Variants in ATP9B observed in about 807,000 individuals in gnomAD.
ATP9B encodes probable phospholipid-transporting ATPase IIB.
ATP9B carries 110 observed loss-of-function variants against 146.1 expected under a neutral mutation model. The ratio of observed to expected loss-of-function variants is 0.75; its 90% CI spans 0.65 to 0.88. ATP9B has a LOEUF of 0.88. ATP9B is among the 40% of genes least tolerant of loss of function. ATP9B has a pLI of 0.00. For synonymous variants in ATP9B, 604 were observed against 569.7 expected (o/e 1.06, Z -0.86); for missense variants, 1,499 against 1,496.4 (o/e 1.00, Z -0.03).
chr18:79,313,135 ATC>A (rs2096662034), intron 15 of ATP9B, among the ~76,000 whole-genome samples: 2 of 152,264 alleles, frequency 1.3e-5, no homozygotes, highest in African/African-American at 4.8e-5. Flanking sequence ...ATACGTAAAA[ATC>A]TCTGTAGCTA....
At chr18:79,073,643 G>C (rs2072248905) in intron 1 of ATP9B, among the ~76,000 whole-genome samples, 2 of 152,124 alleles carry the variant, frequency 1.3e-5, no homozygotes, top group Non-Finnish European at 2.9e-5. Flanking sequence ...AGGGAGGGGG[G>C]AGACCGTGGA....
At chr18:79,285,251 T>C (rs1026065329) in intron 13 of ATP9B, among the ~76,000 whole-genome samples, 10 of 151,864 alleles carry the variant, frequency 6.6e-5, no homozygotes, top group South Asian at 4.2e-4. Flanking sequence ...TGTAAAAGTG[T>C]TCCTATTTCT....
chr18:79,167,602 A>G (rs574477552), intron 7 of ATP9B, among the ~76,000 whole-genome samples: 3 of 152,058 alleles, frequency 2.0e-5, no homozygotes, highest in African/African-American at 4.8e-5. Flanking sequence ...GGTAGTCCCA[A>G]TTTCTGTGTG....
At chr18:79,334,248 TG>T (rs2096807809) in intron 17 of ATP9B, among the ~76,000 whole-genome samples, 1 of 151,598 alleles carries the variant, frequency 6.6e-6, no homozygotes, top group Non-Finnish European at 1.5e-5. Context: ...TCCTAGCTGC[TG>T]GGGAGGCTGA....
chr18:79,376,460 G>C (rs2097104043), intron 29 of ATP9B: 2 of 934,786 alleles, frequency 2.1e-6, no homozygotes, highest in Admixed American at 1.2e-4. Flanking sequence ...CACAATCTTG[G>C]CTCACTGCAA....
At chr18:79,184,770 G>A (rs1193214678) in intron 8 of ATP9B, among the ~76,000 whole-genome samples, 4 of 152,060 alleles carry the variant, frequency 2.6e-5, no homozygotes, top group African/African-American at 9.7e-5. Flanking sequence ...TAAATGACTG[G>A]AGGGGATTTT....
chr18:79,194,006 C>T (rs559699741), intron 9 of ATP9B, among the ~76,000 whole-genome samples: 39 of 152,226 alleles, frequency 2.6e-4, no homozygotes, highest in African/African-American at 8.7e-4. Context: ...ATGTGAAGCA[C>T]GGGCACCTGT....
rs755447097 is a variant in ATP9B, at chr18:79,337,398, G to A, written c.2232G>A (p.Leu744=). ...LLCLTGVEDQ[L]QADVRPTLEM... The stretch of plus-strand genomic sequence containing the variant: ...GCCTCACCGGCGTGGAGGACCAGCT[G>A]CAGGCAGACGTGCGGCCCACGCTGG... The change falls in exon 19 of 30, where the codon CTG becomes CTA. Residue 744 remains leucine (L), a synonymous_variant. Transcript: ENST00000426216. The A allele has an allele frequency of 6.2e-7, 1 of 1,613,826 alleles. No homozygotes were observed.
chr18:79,227,342 C>G (rs1208820355), intron 11 of ATP9B, among the ~76,000 whole-genome samples: 1 of 146,944 alleles, frequency 6.8e-6, no homozygotes, highest in African/African-American at 2.5e-5. Context: ...TACGCTGTTT[C>G]CAAATCCCTG....
At chr18:79,151,893 C>A (rs2094696202) in intron 6 of ATP9B, among the ~76,000 whole-genome samples, 1 of 152,088 alleles carries the variant, frequency 6.6e-6, no homozygotes, top group Admixed American at 6.5e-5. Flanking sequence ...GAGCAGGCAA[C>A]CTACAGAATG....
chr18:79,335,790 G>T (rs925036636), intron 17 of ATP9B, among the ~76,000 whole-genome samples: 1 of 152,228 alleles, frequency 6.6e-6, no homozygotes, highest in African/African-American at 2.4e-5. Context: ...CAGATTCACG[G>T]AGTTAGTCCC....
chr18:79,355,665 C>T (rs192487917), intron 25 of ATP9B, among the ~76,000 whole-genome samples: 18 of 151,628 alleles, frequency 1.2e-4, no homozygotes, highest in Admixed American at 7.2e-4. Context: ...CCGTTTGTGC[C>T]GTGGGAGTTC....
chr18:79,289,968 T>C (rs2096485088), intron 13 of ATP9B, among the ~76,000 whole-genome samples: 1 of 152,124 alleles, frequency 6.6e-6, no homozygotes, highest in African/African-American at 2.4e-5. Flanking sequence ...ATCGTTCCTC[T>C]GGAAGTTTTG....
intron 26 of ATP9B, among the ~76,000 whole-genome samples, chr18:79,366,710 T>C (rs939930147): frequency 1.3e-5 from 2 of 152,204 alleles, no homozygotes; most frequent in African/African-American, 2.4e-5. Flanking sequence ...CAGGCGGTAG[T>C]GAGCAAGCTC....
intron 15 of ATP9B, among the ~76,000 whole-genome samples, chr18:79,315,582 T>G (rs2146761061): frequency 1.3e-5 from 2 of 152,374 alleles, no homozygotes; most frequent in East Asian, 3.9e-4. Context: ...TAGCTGCCTG[T>G]GTGAATTGCT....
intron 13 of ATP9B, among the ~76,000 whole-genome samples, chr18:79,290,027 G>C (rs1275035233): frequency 6.6e-6 from 1 of 152,134 alleles, no homozygotes; most frequent in African/African-American, 2.4e-5. Flanking sequence ...CCCCTGCTTG[G>C]GGGGTGCCTC....
chr18:79,283,591 T>A (rs1379845501), intron 13 of ATP9B, among the ~76,000 whole-genome samples: 1 of 152,226 alleles, frequency 6.6e-6, no homozygotes. Context: ...TAGGTTTGAT[T>A]GGAGTGCACA....
intron 9 of ATP9B, chr18:79,194,545 G>A (rs2095400639): frequency 1.3e-5 from 2 of 152,210 alleles, no homozygotes; most frequent in South Asian, 2.1e-4. Context: ...TGGCTTGACC[G>A]GAGGAAGCCA....
intron 25 of ATP9B, among the ~76,000 whole-genome samples, chr18:79,358,909 G>T (rs537866504): frequency 1.9e-5 from 2 of 105,166 alleles, no homozygotes; most frequent in Non-Finnish European, 4.0e-5. Flanking sequence ...GAGGGGTGCT[G>T]TGGGTCTGGA....
Sources: allele counts gnomAD v4.1 joint callset (sites outside exome capture counted in the v4.1 genomes callset), GRCh38; gene constraint gnomAD v4.1.1; transcripts MANE v1.5; gene names NCBI Gene and HGNC (gene_info 2026-07-23, HGNC 2026-07-21).